Variants in PRDM14 observed in about 807,000 individuals in gnomAD.
PRDM14 encodes PR/SET domain 14.
In PRDM14, 16 loss-of-function variants were observed where a neutral mutation model predicts 48.0. The observed-to-expected ratio is 0.33, with a 90% CI of 0.23 to 0.51. PRDM14 has a LOEUF of 0.51. PRDM14 is among the 20% of genes least tolerant of loss of function. PRDM14 has a pLI of 0.97. For synonymous variants in PRDM14, 264 were observed against 276.6 expected (o/e 0.95, Z 0.45); for missense variants, 566 against 719.6 (o/e 0.79, Z 2.44).
chr8:70,070,777 G>A (rs1805753361), intron 1 of PRDM14, among the ~76,000 whole-genome samples: 2 of 152,232 alleles, frequency 1.3e-5, no homozygotes, highest in South Asian at 2.1e-4. Flanking sequence ...CGCCGGGAAA[G>A]GATGGCGTTT....
At chr8:70,053,848 A>T (rs1290498009) in intron 7 of PRDM14, among the ~76,000 whole-genome samples, 2 of 152,236 alleles carry the variant, frequency 1.3e-5, no homozygotes, top group African/African-American at 4.8e-5. Context: ...TACTGTAAAA[A>T]GCGTAAATGA....
intron 5 of PRDM14, among the ~76,000 whole-genome samples, chr8:70,065,610 A>G (rs12681064): frequency 0.14 from 20,626 of 152,046 alleles, 1,684 homozygotes; most frequent in East Asian, 0.26. Context: ...TTTGAGAGTG[A>G]GAGTCCAGCT....
At chr8:70,054,579 G>A (rs1489836417) in intron 7 of PRDM14, among the ~76,000 whole-genome samples, 1 of 148,760 alleles carries the variant, frequency 6.7e-6, no homozygotes, top group Non-Finnish European at 1.5e-5. Flanking sequence ...GAGTGCAGTG[G>A]CACAATCTTG....
intron 4 of PRDM14, among the ~76,000 whole-genome samples, chr8:70,066,884 C>T (rs557560483): frequency 7.2e-5 from 11 of 152,100 alleles, no homozygotes; most frequent in African/African-American, 2.7e-4. Context: ...CACCATCACG[C>T]CTGGCAAATT....
intron 5 of PRDM14, 74 bp from the exon 6 acceptor site, chr8:70,058,916 T>C: frequency 8.2e-7 from 1 of 1,217,040 alleles, no homozygotes. Flanking sequence ...TATTTATTTA[T>C]TTATTTATTT....
rs1461905718 is a variant in PRDM14 at position 70,056,956 on chromosome 8, C to T, written c.1387-1555G>A. Among the ~76,000 whole-genome samples the T allele has an allele frequency of 2.7e-5, 4 of 149,520 alleles. No homozygotes were observed. The Admixed American group carries it at 2.7e-4, about 10-fold the overall frequency. On this transcript the variant is annotated intron_variant, in intron 6 of 7. Transcript: ENST00000276594. ...TACTGACCTCCTGGTTGACAGCCCT[C>T]CAGTTTCTTTTCTTTTTTTTTTTTT...
At chr8:70,069,093 C>T in intron 2 of PRDM14, 68 bp downstream of exon 2, 2 of 1,294,452 alleles carry the variant, frequency 1.5e-6, no homozygotes, top group Non-Finnish European at 1.0e-6. Context: ...GCGCCTCTTC[C>T]CGGACACTCC....
chr8:70,069,542 C>G lies in PRDM14; in HGVS notation c.319G>C (p.Val107Leu). Residue 107 changes from valine (V) to leucine (L), a missense_variant, in exon 2 of 8, where the codon GTC becomes CTC. Val to Leu is a conservative substitution (Grantham distance 32). This residue lies in a region of PRDM14 where 410 missense variants were observed against 424.6 expected (regional missense o/e 0.97). Coordinates refer to ENST00000276594, the MANE Select transcript of PRDM14 (RefSeq NM_024504.4). ...KLPPWYPIPH[V>L]PREVPPFLSS... ...AGGAAGGGCGGCACTTCCCTGGGGACGTGGGGAATTGGGTACCACGGTGGC... is the reference window on the plus strand; with the variant it reads ...AGGAAGGGCGGCACTTCCCTGGGGAGGTGGGGAATTGGGTACCACGGTGGC... 1 of 1,608,388 alleles carries G rather than the reference C, an allele frequency of 6.2e-7. No individual in the cohort carries two copies. The highest frequency in any genetic ancestry group is 1.1e-5 in the South Asian group (1 of 90,296).
At chr8:70,062,546 C>T in intron 5 of PRDM14, among the ~76,000 whole-genome samples, 1 of 151,594 alleles carries the variant, frequency 6.6e-6, no homozygotes, top group South Asian at 2.1e-4. Flanking sequence ...CGGTCTGCAA[C>T]CTCCGCCCCC....
chr8:70,053,989 G>A (rs966613812), intron 7 of PRDM14, among the ~76,000 whole-genome samples: 2 of 152,172 alleles, frequency 1.3e-5, no homozygotes, highest in African/African-American at 2.4e-5. Flanking sequence ...CACTTAAAAT[G>A]TGGCTAATGC....
intron 5 of PRDM14, among the ~76,000 whole-genome samples, chr8:70,060,084 A>C (rs1585650159): frequency 1.5e-4 from 14 of 95,432 alleles, no homozygotes; most frequent in Non-Finnish European, 2.3e-4. Context: ...CAACAGCAAA[A>C]CTCCATCTCA....
At position 70,055,652 on chromosome 8, in the gene PRDM14, C is replaced by T. The variant is rs1426010263; in HGVS notation, c.1387-251G>A. Among the ~76,000 whole-genome samples, 4 of 151,962 alleles carry T rather than the reference C, an allele frequency of 2.6e-5. No individual in the cohort carries two copies. In the East Asian group the frequency reaches 7.7e-4, roughly 29 times the overall value. On this transcript the variant is annotated intron_variant, in intron 6 of 7. Transcript: ENST00000276594. ...TCCTGAGTAACTGGGACTACAGGTG[C>T]GTGCCACTAAGCCAGCTAACTTAAA...
At chr8:70,052,487 CCTT>C (rs1406162932) in intron 7 of PRDM14, among the ~76,000 whole-genome samples, 183 bp from the exon 8 acceptor site, 5 of 152,130 alleles carry the variant, frequency 3.3e-5, no homozygotes. Context: ...ACTGATGTGT[CCTT>C]CTGGCTAGTT....
At chr8:70,055,473 C>A in intron 6 of PRDM14, 72 bp from the exon 7 acceptor site, 1 of 865,390 alleles carries the variant, frequency 1.2e-6, no homozygotes, top group Non-Finnish European at 1.9e-6. Flanking sequence ...CTTGCGTTTA[C>A]CTGGGGTTAG....
chr8:70,052,054 G>T lies in PRDM14; in HGVS notation c.*23C>A. ...CTCCCAAAGTGCTGGGATTACAGGC[G>T]TGAGTCATTGTGCCTGGCAGGGCTA... On this transcript the variant is annotated 3_prime_UTR_variant, in exon 8 of 8. Transcript: ENST00000276594. 6.6e-7 allele frequency: 1 copy of T among 1,525,884 alleles called. No individual in the cohort carries two copies. Among genetic ancestry groups the T allele is most frequent in the Non-Finnish European group, 9.0e-7 (1 of 1,113,024 alleles). The allele number at this position is 1,525,884 out of a possible 1,614,324, so 94.5% of individuals were successfully genotyped here.
At chr8:70,062,405 C>CATATACATA (rs1805599528) in intron 5 of PRDM14, among the ~76,000 whole-genome samples, 1 of 152,052 alleles carries the variant, frequency 6.6e-6, no homozygotes, top group Admixed American at 6.6e-5. Context: ...TGGAATATTT[C>CATATACATA]ATATACATAA....
intron 6 of PRDM14, among the ~76,000 whole-genome samples, chr8:70,058,329 C>A (rs1312614361): frequency 6.6e-6 from 1 of 152,206 alleles, no homozygotes; most frequent in Non-Finnish European, 1.5e-5. Flanking sequence ...AAATCAGACA[C>A]CCCATTTGTC....
chr8:70,066,188 C>T (rs1053644280), intron 5 of PRDM14, 47 bp downstream of exon 5: 1 of 1,582,434 alleles, frequency 6.3e-7, no homozygotes, highest in Non-Finnish European at 8.6e-7. Context: ...GAGCCCAGTC[C>T]TTCTACTGGG....
At position 70,051,829 on chromosome 8, in the gene PRDM14, TG is replaced by T; in HGVS notation, c.*247del. On this transcript the variant is annotated 3_prime_UTR_variant, in exon 8 of 8. Coordinates refer to ENST00000276594, the MANE Select transcript of PRDM14 (RefSeq NM_024504.4). ...TTCTGTCACCCAGGTTGAAAAGCAG[TG>T]GGGCGATCTCAGCTCACAGCAACCT... The T allele has an allele frequency of 2.5e-6, 1 of 407,870 alleles. No individual in the cohort carries two copies. The highest frequency in any genetic ancestry group is 4.5e-6 in the Non-Finnish European group (1 of 224,608). 25.3% of individuals were successfully genotyped at this position (407,870 alleles called of 1,614,324 possible).
Sources: allele counts gnomAD v4.1 joint callset (sites outside exome capture counted in the v4.1 genomes callset), GRCh38; gene constraint gnomAD v4.1.1; regional missense constraint gnomAD v4.1.1; transcripts MANE v1.5; gene names NCBI Gene and HGNC (gene_info 2026-07-23, HGNC 2026-07-21).